PPFIA1: variants seen among roughly 807,000 people sequenced by gnomAD.
PPFIA1 encodes the protein liprin-alpha-1.
In PPFIA1, 25 loss-of-function variants were observed where a neutral mutation model predicts 149.9. The observed-to-expected ratio is 0.17, with a 90% CI of 0.12 to 0.23. PPFIA1 has a LOEUF of 0.23. PPFIA1 is among the 10% of genes least tolerant of loss of function. The pLI is 1.00. For missense variants in PPFIA1, 1,362 were observed against 1,506.5 expected, an observed-to-expected ratio of 0.90 and a Z score of 1.59; for synonymous variants, 549 against 552.8, an observed-to-expected ratio of 0.99 and a Z score of 0.10.
chr11:70,309,083 G>GTT (rs199532448), intron 2 of PPFIA1, among the ~76,000 whole-genome samples: 1 of 150,268 alleles, frequency 6.7e-6, no homozygotes, highest in African/African-American at 2.4e-5. Flanking sequence ...TTTTCTTTGG[G>GTT]TTTTTTTTTA....
At chr11:70,345,901 C>T (rs2055668986) in intron 15 of PPFIA1, 1 of 349,154 alleles carries the variant, frequency 2.9e-6, no homozygotes. Context: ...GGTCCCGTCA[C>T]ACAGTGGCCT....
intron 26 of PPFIA1, among the ~76,000 whole-genome samples, chr11:70,381,561 G>A (rs1249360020): frequency 2.6e-5 from 4 of 152,096 alleles, no homozygotes; most frequent in African/African-American, 7.2e-5. Context: ...AAAGGGCACC[G>A]GCTTCCCAGA....
chr11:70,356,989 G>A (rs993962189), intron 19 of PPFIA1, among the ~76,000 whole-genome samples: 16 of 152,040 alleles, frequency 1.1e-4, no homozygotes, highest in African/African-American at 2.9e-4. Context: ...TGGAGGAATC[G>A]GGTTTCTGTC....
intron 2 of PPFIA1, among the ~76,000 whole-genome samples, chr11:70,295,488 G>A (rs2051882244): frequency 1.4e-5 from 2 of 142,356 alleles, no homozygotes; most frequent in East Asian, 2.2e-4. Flanking sequence ...CCTGGACGGG[G>A]CGGCTGGCCG....
At chr11:70,341,377 G>A (rs2055319818) in intron 14 of PPFIA1, among the ~76,000 whole-genome samples, 1 of 152,082 alleles carries the variant, frequency 6.6e-6, no homozygotes, top group Admixed American at 6.6e-5. Flanking sequence ...GATTTGCTGA[G>A]GGATTGGATC....
chr11:70,333,171 T>C (rs1325430954), intron 9 of PPFIA1: 2 of 514,042 alleles, frequency 3.9e-6, no homozygotes, highest in Non-Finnish European at 7.6e-6. Flanking sequence ...CCAGAAGCAG[T>C]CCAAGGATGG....
chr11:70,340,056 A>T (rs1295875488), intron 14 of PPFIA1, among the ~76,000 whole-genome samples: 1 of 151,982 alleles, frequency 6.6e-6, no homozygotes, highest in Non-Finnish European at 1.5e-5. Context: ...CACACCTGTA[A>T]TCCCAGTGCT....
intron 2 of PPFIA1, among the ~76,000 whole-genome samples, chr11:70,280,489 A>G (rs2136077084): frequency 6.6e-6 from 1 of 152,210 alleles, no homozygotes; most frequent in Non-Finnish European, 1.5e-5. Flanking sequence ...GACTCACTTG[A>G]ACCTGGGAGA....
intron 2 of PPFIA1, among the ~76,000 whole-genome samples, chr11:70,308,813 C>T (rs946838208): frequency 1.3e-5 from 2 of 152,088 alleles, no homozygotes; most frequent in African/African-American, 4.8e-5. Flanking sequence ...TTGTGGTGCA[C>T]GTCTGTAGTC....
intron 2 of PPFIA1, among the ~76,000 whole-genome samples, chr11:70,300,110 A>G (rs1459308865): frequency 1.2e-5 from 1 of 82,810 alleles, no homozygotes; most frequent in Non-Finnish European, 2.5e-5. Context: ...TGCCCCTTCC[A>G]CCCGCCCCAC....
rs760824140 is a variant in PPFIA1, at chr11:70,372,320, G to A, written c.2971G>A (p.Ala991Thr). The A allele has an allele frequency of 2.5e-5, 41 of 1,614,082 alleles. No homozygotes were observed. Among genetic ancestry groups the A allele is most frequent in the Non-Finnish European group, 3.1e-5 (37 of 1,180,044 alleles). Reference sequence around the variant, plus strand: ...CTACTTCATGGAGTGCCTTGTAGACGCCAGGATGCTGGACCACTTGACCAA... The same window carrying A: ...CTACTTCATGGAGTGCCTTGTAGACACCAGGATGCTGGACCACTTGACCAA... ...RSYFMECLVD[A>T]RMLDHLTKKD... The change falls in exon 22 of 28, where the codon GCC (alanine) becomes ACC (threonine). Residue 991 changes from alanine to threonine, a missense_variant. This residue lies in a region of PPFIA1 where 349 missense variants were observed against 373.3 expected (regional missense o/e 0.93). Coordinates refer to ENST00000253925, the MANE Select transcript of PPFIA1 (RefSeq NM_003626.5).
In PPFIA1 at chr11:70,383,489, A is replaced by G. The variant is rs1319700588; in HGVS notation, c.*499A>G. Reference sequence around the variant, plus strand: ...CTTTACGGACGCAGCCTAGCTCTACAGCAATCATCCTGAAATAAGCATACC... The same window carrying G: ...CTTTACGGACGCAGCCTAGCTCTACGGCAATCATCCTGAAATAAGCATACC... On this transcript the variant is annotated 3_prime_UTR_variant, in exon 28 of 28. Transcript: ENST00000253925. 1.9e-5 allele frequency: 3 copies of G among 159,134 alleles called. No individual in the cohort carries two copies. Among genetic ancestry groups the G allele is most frequent in the African/African-American group, 7.2e-5 (3 of 41,512 alleles). The allele number at this position is 159,134 out of a possible 1,614,324, so 9.9% of individuals were successfully genotyped here.
chr11:70,298,292 T>A (rs2052225800), intron 2 of PPFIA1, among the ~76,000 whole-genome samples: 1 of 152,178 alleles, frequency 6.6e-6, no homozygotes, highest in Admixed American at 6.5e-5. Context: ...GTAGAAGGCC[T>A]ATGCAGGAGG....
At position 70,330,206 on chromosome 11, in the gene PPFIA1, A is replaced by G. The variant is rs2054569181; in HGVS notation, c.964A>G (p.Ile322Val). Residue 322 changes from isoleucine (I) to valine (V), a missense_variant, in exon 8 of 28, where the codon ATC (isoleucine) becomes GTC (valine). By Grantham distance (29) the Ile-to-Val change is conservative. Coordinates refer to ENST00000253925, the MANE Select transcript of PPFIA1 (RefSeq NM_003626.5). ...CCAAAAGGAAGATATGGAAGAGAGA[A>G]TCACTACTCTTGAAAAACGCTACCT... ...MAQKEDMEER[I>V]TTLEKRYLAA... 2 of 1,602,798 alleles carry G rather than the reference A, an allele frequency of 1.2e-6. No homozygotes were observed. Among genetic ancestry groups the G allele is most frequent in the African/African-American group, 2.7e-5 (2 of 74,330 alleles).
In PPFIA1 at chr11:70,327,953, AG is replaced by A. The variant is rs1472193988; in HGVS notation, c.930+1137del. On this transcript the variant is annotated intron_variant, in intron 7 of 27. Coordinates refer to ENST00000253925, the MANE Select transcript of PPFIA1 (RefSeq NM_003626.5). ...GTAATTTCATGTAGGAATTCACCAC[AG>A]GAAGAACATTTGCATGTAGTATGTC... Among the ~76,000 whole-genome samples, 3 of 152,358 alleles carry A rather than the reference AG, an allele frequency of 2.0e-5. No homozygotes were observed. In the East Asian group the frequency reaches 5.8e-4, roughly 29 times the overall value.
chr11:70,383,261 A>T lies in PPFIA1; in HGVS notation c.*271A>T. The T allele has an allele frequency of 3.6e-6, 1 of 277,122 alleles. No homozygotes were observed. Among genetic ancestry groups the T allele is most frequent in the South Asian group, 3.4e-5 (1 of 29,670 alleles). 17.2% of individuals were successfully genotyped at this position (277,122 alleles called of 1,614,324 possible). On this transcript the variant is annotated 3_prime_UTR_variant, in exon 28 of 28. Transcript: ENST00000253925. ...TTACTTTTTCATGTATATCCAGGCTATAAATATCCTTTCAAATCATGTTCT... is the reference window on the plus strand; with the variant it reads ...TTACTTTTTCATGTATATCCAGGCTTTAAATATCCTTTCAAATCATGTTCT...
intron 21 of PPFIA1, among the ~76,000 whole-genome samples, chr11:70,366,910 T>C (rs2056970154): frequency 6.6e-6 from 1 of 152,184 alleles, no homozygotes; most frequent in African/African-American, 2.4e-5. Flanking sequence ...TGTGGGCTTT[T>C]TTCTCTCTTG....
chr11:70,337,767 G>A (rs1027800210), intron 12 of PPFIA1, among the ~76,000 whole-genome samples: 1 of 152,232 alleles, frequency 6.6e-6, no homozygotes. Context: ...AAAGTAATAG[G>A]TAAAATCTAT....
At chr11:70,380,440 G>A (rs2057666062) in intron 26 of PPFIA1, among the ~76,000 whole-genome samples, 2 of 151,956 alleles carry the variant, frequency 1.3e-5, no homozygotes, top group Admixed American at 1.3e-4. Flanking sequence ...AGCTGGGCAC[G>A]GTGGCAGGCG....
Sources: gnomAD v4.1 joint callset for allele counts (sites outside exome capture counted in the v4.1 genomes callset) on GRCh38, gnomAD v4.1.1 for gene constraint, gnomAD v4.1.1 regional missense constraint, MANE v1.5 for transcripts, NCBI Gene and HGNC (gene_info 2026-07-23, HGNC 2026-07-21) for gene names.